The following CDH4 variants were observed in gnomAD, a reference collection of about 807,000 sequenced individuals.
The protein encoded by CDH4 is cadherin 4.
Under a neutral mutation model 86.0 loss-of-function variants are expected in CDH4, and 33 were observed. The observed-to-expected ratio is 0.38, with a 90% CI of 0.29 to 0.51. The LOEUF (loss-of-function observed/expected upper bound fraction) is 0.51, where lower values mean the gene tolerates loss of function less well. CDH4 is among the 20% of genes least tolerant of loss of function. The pLI is 0.86. For missense variants in CDH4, 1,114 were observed against 1,307.4 expected (o/e 0.85, Z 2.28); for synonymous variants, 555 against 549.4 (o/e 1.01, Z -0.14).
chr20:61,264,623 T>C (rs1268374929), intron 2 of CDH4, among the ~76,000 whole-genome samples: 7 of 136,246 alleles, frequency 5.1e-5, no homozygotes, highest in East Asian at 2.5e-4. Context: ...CCTACACATA[T>C]CTCAGTGGTT....
chr20:61,907,712 C>T (rs1402444234), intron 8 of CDH4, among the ~76,000 whole-genome samples: 2 of 152,224 alleles, frequency 1.3e-5, no homozygotes, highest in African/African-American at 2.4e-5. Context: ...TCCAGGCCTC[C>T]CCGGGTACCC....
intron 3 of CDH4, among the ~76,000 whole-genome samples, chr20:61,761,814 G>A (rs1415798487): frequency 6.6e-6 from 1 of 152,216 alleles, no homozygotes; most frequent in Non-Finnish European, 1.5e-5. Flanking sequence ...TCCTGAGAGT[G>A]CTCTTCTCCC....
At chr20:61,597,740 AG>A (rs1456673865) in intron 2 of CDH4, among the ~76,000 whole-genome samples, 3 of 152,206 alleles carry the variant, frequency 2.0e-5, no homozygotes, top group African/African-American at 7.2e-5. Context: ...GGAGAGGGGC[AG>A]GGTGGCCCAT....
intron 3 of CDH4, among the ~76,000 whole-genome samples, chr20:61,766,904 G>A (rs1404768916): frequency 6.6e-6 from 1 of 152,190 alleles, no homozygotes; most frequent in Non-Finnish European, 1.5e-5. Flanking sequence ...GCGACTTGGT[G>A]CCAGTTTGAA....
At chr20:61,367,867 C>CTTTTTTTTTTTTTTTT (rs372521090) in intron 2 of CDH4, among the ~76,000 whole-genome samples, 1 of 119,078 alleles carries the variant, frequency 8.4e-6, no homozygotes. Flanking sequence ...TCTCCAGGAT[C>CTTTTTTTTTTTTTTTT]TTTTTTTTTT....
intron 2 of CDH4, among the ~76,000 whole-genome samples, chr20:61,710,581 G>T (rs914148837): frequency 2.0e-5 from 3 of 152,210 alleles, no homozygotes; most frequent in African/African-American, 7.2e-5. Context: ...GAACTCCACA[G>T]CCCCTGCCTC....
chr20:61,869,501 G>T lies in CDH4; in HGVS notation c.878-4227G>T, dbSNP rs553189282. ...CTGCTTTCAGTCTGGGTCTAGCAGA[G>T]CTCACTGGACCCAGCCACGTTCCTC... On this transcript the variant is annotated intron_variant, in intron 6 of 15. Transcript: ENST00000614565. Among the ~76,000 whole-genome samples the T allele has an allele frequency of 2.0e-5, 3 of 152,314 alleles. No homozygotes were observed. In the East Asian group the frequency reaches 5.8e-4, roughly 29 times the overall value.
At chr20:61,624,925 A>G (rs1407702372) in intron 2 of CDH4, among the ~76,000 whole-genome samples, 1 of 152,246 alleles carries the variant, frequency 6.6e-6, no homozygotes, top group Non-Finnish European at 1.5e-5. Flanking sequence ...ATAGGAGGCC[A>G]GGAAACAGAT....
At chr20:61,530,768 A>G (rs2085945817) in intron 2 of CDH4, among the ~76,000 whole-genome samples, 1 of 152,068 alleles carries the variant, frequency 6.6e-6, no homozygotes, top group East Asian at 1.9e-4. Context: ...TGAGCGCACA[A>G]CAGAACGAGT....
chr20:61,416,856 G>A (rs991548997), intron 2 of CDH4, among the ~76,000 whole-genome samples: 1 of 152,104 alleles, frequency 6.6e-6, no homozygotes, highest in Admixed American at 6.5e-5. Flanking sequence ...TTTAATGAAG[G>A]GTATCTTTTT....
rs574343672 is a variant in CDH4 at position 61,807,567 on chromosome 20, G to C, written c.576+34385G>C. Among the ~76,000 whole-genome samples, 3 of 152,334 alleles carry C rather than the reference G, an allele frequency of 2.0e-5. No homozygotes were observed. The South Asian group carries it at 6.2e-4, about 32-fold the overall frequency. On this transcript the variant is annotated intron_variant, in intron 4 of 15. Coordinates refer to ENST00000614565, the MANE Select transcript of CDH4 (RefSeq NM_001794.5). The surrounding 1 kb of genome is among the most constrained non-coding windows in gnomAD (Gnocchi z 4.5). The stretch of plus-strand genomic sequence containing the variant: ...GCTGTGTCCACCATCAGCGAGGGGA[G>C]TGTGACCAAGGGCAGGTGTTCCGTG...
Position 61,772,997 on chromosome 20 carries a change from A to G in CDH4, c.397-6A>G, listed in dbSNP as rs1242128661. ...TCTGCCTCTTCTCTCCCCTTTCCAA[A>G]TAAAGCCGCAGAAAGGAAAGAAGGT... On this transcript the variant is annotated splice_polypyrimidine_tract_variant and splice_region_variant and intron_variant, in intron 3 of 15. Transcript: ENST00000614565. 4 of 1,605,142 alleles carry G rather than the reference A, an allele frequency of 2.5e-6. No individual in the cohort carries two copies. Among genetic ancestry groups the G allele is most frequent in the African/African-American group, 1.3e-5 (1 of 74,612 alleles).
At chr20:61,340,653 C>T (rs917236983) in intron 2 of CDH4, among the ~76,000 whole-genome samples, 13 of 151,264 alleles carry the variant, frequency 8.6e-5, no homozygotes, top group Admixed American at 3.3e-4. Context: ...GGCATGATCA[C>T]GGCTCACTGC....
At chr20:61,735,954 G>C (rs550154938) in intron 2 of CDH4, among the ~76,000 whole-genome samples, 1 of 152,290 alleles carries the variant, frequency 6.6e-6, no homozygotes, top group African/African-American at 2.4e-5. Flanking sequence ...TTGTTTGCAA[G>C]GCTAGGAAAG....
intron 3 of CDH4, among the ~76,000 whole-genome samples, chr20:61,772,327 A>G (rs566304996): frequency 6.6e-4 from 100 of 152,252 alleles, no homozygotes; most frequent in African/African-American, 2.3e-3. Flanking sequence ...GCGCACCCCC[A>G]GTGTTGCAGA....
At position 61,399,756 on chromosome 20, in the gene CDH4, G is replaced by A. The variant is rs151038225; in HGVS notation, c.169+144819G>A. On this transcript the variant is annotated intron_variant, in intron 2 of 15. Transcript: ENST00000614565. Reference sequence around the variant, plus strand: ...GTTTTTTCAACCTGCCTCTTTTTTAGTTCCTGCTCACATGTGTGATGCTGG... The same window carrying A: ...GTTTTTTCAACCTGCCTCTTTTTTAATTCCTGCTCACATGTGTGATGCTGG... Among the ~76,000 whole-genome samples, 582 of 152,258 alleles carry A rather than the reference G, an allele frequency of 3.8e-3. 5 individuals carry two copies. The highest frequency in any genetic ancestry group is 0.013 in the African/African-American group (556 of 41,536).
intron 6 of CDH4, among the ~76,000 whole-genome samples, chr20:61,866,523 C>T (rs923477210): frequency 2.6e-5 from 4 of 152,120 alleles, no homozygotes; most frequent in African/African-American, 9.7e-5. Context: ...GCACATTTGA[C>T]ATGTGGAAAA....
At chr20:61,854,111 G>C (rs774106149) in intron 6 of CDH4, among the ~76,000 whole-genome samples, 3 of 152,174 alleles carry the variant, frequency 2.0e-5, no homozygotes, top group Non-Finnish European at 2.9e-5. Flanking sequence ...CCCAGCAAGT[G>C]ACGGCTTCCA....
At chr20:61,360,728 C>T (rs981666859) in intron 2 of CDH4, among the ~76,000 whole-genome samples, 1 of 152,066 alleles carries the variant, frequency 6.6e-6, no homozygotes, top group African/African-American at 2.4e-5. Context: ...ATGGGGGTTT[C>T]TGAACTTCAC....
Sources: allele counts gnomAD v4.1 joint callset (sites outside exome capture counted in the v4.1 genomes callset), GRCh38; gene constraint gnomAD v4.1.1; non-coding constraint Gnocchi (gnomAD v3.1); transcripts MANE v1.5; gene names NCBI Gene and HGNC (gene_info 2026-07-23, HGNC 2026-07-21).